Variants in RHOA observed in about 807,000 individuals in gnomAD.
RHOA encodes transforming protein RhoA.
Under a neutral mutation model 17.5 loss-of-function variants are expected in RHOA, and 3 were observed. That is an observed-to-expected ratio of 0.17 (90% CI 0.08 to 0.44). The LOEUF (loss-of-function observed/expected upper bound fraction) is 0.44, where lower values mean the gene tolerates loss of function less well. RHOA is among the 20% of genes least tolerant of loss of function. The pLI is 0.99. For synonymous variants in RHOA, 98 were observed against 88.4 expected (o/e 1.11, Z -0.61); for missense variants, 56 against 242.3 (o/e 0.23, Z 5.10).
Position 49,359,442 on chromosome 3 carries a change from G to A in RHOA, c.*767C>T, listed in dbSNP as rs1044285905. ...TACTGAGATACATGGGGCCGAAAAGGGGTAATATGGCCATCTTTTATCAGA... is the reference window on the plus strand; with the variant it reads ...TACTGAGATACATGGGGCCGAAAAGAGGTAATATGGCCATCTTTTATCAGA... On this transcript the variant is annotated 3_prime_UTR_variant, in exon 5 of 5. Transcript: ENST00000418115. The A allele has an allele frequency of 2.6e-5, 5 of 189,554 alleles. No individual in the cohort carries two copies. The highest frequency in any genetic ancestry group is 3.9e-4 in the South Asian group (2 of 5,138). The allele number at this position is 189,554 out of a possible 1,614,324, so 11.7% of individuals were successfully genotyped here. A position where few individuals can be genotyped will look rare whatever the true frequency, so the allele number is the denominator to read the frequency against.
chr3:49,373,726 C>A (rs1405485369), intron 2 of RHOA, among the ~76,000 whole-genome samples: 11 of 151,836 alleles, frequency 7.2e-5, no homozygotes, highest in Non-Finnish European at 1.5e-5. Flanking sequence ...ATCACTTGAG[C>A]CCAAGAGTTC....
chr3:49,361,283 C>T (rs1030640926), intron 4 of RHOA, among the ~76,000 whole-genome samples: 6 of 152,074 alleles, frequency 3.9e-5, no homozygotes, highest in Non-Finnish European at 8.8e-5. Flanking sequence ...GGACTAAATG[C>T]CCTGAAGGAA....
chr3:49,368,619 T>G, intron 2 of RHOA, 71 bp from the exon 3 acceptor site: 2 of 1,540,410 alleles, frequency 1.3e-6, no homozygotes, highest in Admixed American at 1.7e-5. Context: ...AAGTGACACT[T>G]ACCATAGTAC....
intron 1 of RHOA, among the ~76,000 whole-genome samples, chr3:49,391,907 C>T (rs1423198629): frequency 2.8e-5 from 4 of 143,194 alleles, no homozygotes; most frequent in Non-Finnish European, 6.0e-5. Flanking sequence ...CAGCTCACTA[C>T]AATCCTGCCT....
chr3:49,384,269 A>G lies in RHOA; in HGVS notation c.-2-8678T>C, dbSNP rs565816621. ...CTGTTTTCTCCTTGAAAAACGCAGG[A>G]GAAATTTTGCAGAATTATCTCTCCT... is the stretch of plus-strand genomic sequence containing the variant. On this transcript the variant is annotated intron_variant, in intron 1 of 4. Transcript: ENST00000418115. Among the ~76,000 whole-genome samples, 8 of 152,274 alleles carry G rather than the reference A, an allele frequency of 5.3e-5. No individual in the cohort carries two copies. The East Asian group carries it at 1.5e-3, about 29-fold the overall frequency.
At chr3:49,381,353 C>T (rs1049167919) in intron 1 of RHOA, among the ~76,000 whole-genome samples, 2 of 150,010 alleles carry the variant, frequency 1.3e-5, no homozygotes, top group Non-Finnish European at 3.0e-5. Flanking sequence ...TGCAGTAAGC[C>T]GATATCTCGC....
chr3:49,397,129 C>CA (rs141767876), intron 1 of RHOA, among the ~76,000 whole-genome samples: 35,488 of 86,090 alleles, frequency 0.41, 6,101 homozygotes, highest in Non-Finnish European at 0.47. Flanking sequence ...AATCCTGTCT[C>CA]AAAAAAAAAA....
In RHOA at chr3:49,359,286, A is replaced by C. The variant is rs2047916086; in HGVS notation, c.*923T>G. Reference sequence around the variant, plus strand: ...TCTGGGAGGGAACCTGGATACAGTGAGGAGAAAAGAGCACTGTGAATTAGA... The same window carrying C: ...TCTGGGAGGGAACCTGGATACAGTGCGGAGAAAAGAGCACTGTGAATTAGA... On this transcript the variant is annotated 3_prime_UTR_variant, in exon 5 of 5. Coordinates refer to ENST00000418115, the MANE Select transcript of RHOA (RefSeq NM_001664.4). 5.2e-6 allele frequency: 1 copy of C among 192,620 alleles called. No homozygotes were observed. Among genetic ancestry groups the C allele is most frequent in the South Asian group, 1.9e-4 (1 of 5,162 alleles). 11.9% of individuals were successfully genotyped at this position (192,620 alleles called of 1,614,324 possible).
intron 1 of RHOA, among the ~76,000 whole-genome samples, chr3:49,391,214 T>C (rs2048497492): frequency 1.0e-5 from 1 of 96,630 alleles, no homozygotes; most frequent in South Asian, 5.1e-4. Context: ...CAACGCCGTC[T>C]CAAAAAAAAA....
At chr3:49,380,738 C>A (rs2048303447) in intron 1 of RHOA, among the ~76,000 whole-genome samples, 1 of 148,964 alleles carries the variant, frequency 6.7e-6, no homozygotes, top group South Asian at 2.1e-4. Flanking sequence ...ATTATCAAAA[C>A]TATATTGTCT....
intron 2 of RHOA, among the ~76,000 whole-genome samples, chr3:49,370,237 G>C (rs886711417): frequency 1.3e-5 from 2 of 152,086 alleles, no homozygotes; most frequent in Non-Finnish European, 2.9e-5. Context: ...GTGAGACCTT[G>C]ACTCAATTAG....
chr3:49,404,433 A>AACACACAC (rs374020319), intron 1 of RHOA, among the ~76,000 whole-genome samples: 1,533 of 90,748 alleles, frequency 0.017, 55 homozygotes, highest in African/African-American at 0.047. Flanking sequence ...TCTCTAGTAA[A>AACACACAC]ACACACACAC....
chr3:49,401,361 A>G (rs1165715033), intron 1 of RHOA, among the ~76,000 whole-genome samples: 1 of 151,880 alleles, frequency 6.6e-6, no homozygotes, highest in Non-Finnish European at 1.5e-5. Flanking sequence ...TCTCAAAAAA[A>G]TATGAAAACG....
chr3:49,386,439 C>G (rs954763405), intron 1 of RHOA, among the ~76,000 whole-genome samples: 6 of 152,198 alleles, frequency 3.9e-5, no homozygotes, highest in Admixed American at 3.9e-4. Context: ...AGTTCTAATA[C>G]TCTCATTTAC....
At chr3:49,398,995 C>T (rs1481455325) in intron 1 of RHOA, among the ~76,000 whole-genome samples, 4 of 132,252 alleles carry the variant, frequency 3.0e-5, no homozygotes, top group African/African-American at 1.2e-4. Flanking sequence ...GCAGAGGTTG[C>T]AGTTAGCTGA....
intron 2 of RHOA, 113 bp from the exon 3 acceptor site, chr3:49,368,661 G>A (rs1249874782): frequency 4.4e-6 from 5 of 1,131,818 alleles, no homozygotes; most frequent in Admixed American, 2.2e-5. Flanking sequence ...AATGGCAGAC[G>A]GTCTAAAACA....
chr3:49,403,018 C>T (rs1376690544), intron 1 of RHOA, among the ~76,000 whole-genome samples: 1 of 138,936 alleles, frequency 7.2e-6, no homozygotes, highest in Non-Finnish European at 1.5e-5. Context: ...GCCTGGGCAA[C>T]AGAGCGAGAT....
chr3:49,395,637 CAGGAGGCGG>C (rs747831794), intron 1 of RHOA, among the ~76,000 whole-genome samples: 4 of 151,858 alleles, frequency 2.6e-5, no homozygotes, highest in Non-Finnish European at 4.4e-5. Context: ...CGCTTGAACC[CAGGAGGCGG>C]AGGTTGCAGT....
chr3:49,381,524 G>C (rs2048316823), intron 1 of RHOA, among the ~76,000 whole-genome samples: 1 of 151,548 alleles, frequency 6.6e-6, no homozygotes, highest in Non-Finnish European at 1.5e-5. Flanking sequence ...GCAGTGAGCT[G>C]AGAACGCGCC....
Sources: allele counts gnomAD v4.1 joint callset (sites outside exome capture counted in the v4.1 genomes callset), GRCh38; gene constraint gnomAD v4.1.1; transcripts MANE v1.5; gene names NCBI Gene and HGNC (gene_info 2026-07-23, HGNC 2026-07-21).